GALK2: variants seen among roughly 807,000 people sequenced by gnomAD.
GALK2 encodes galactokinase 2.
Under a neutral mutation model 52.4 loss-of-function variants are expected in GALK2, and 36 were observed. That is an observed-to-expected ratio of 0.69 (90% CI 0.53 to 0.91). GALK2 has a LOEUF of 0.91. Ranked by LOEUF, GALK2 falls within the 40% of genes least tolerant of loss-of-function variation. The probability of loss-of-function intolerance (pLI) is 0.00; values close to 1 mark genes in which losing one functional copy is unlikely to be tolerated. For synonymous variants in GALK2, 176 were observed against 199.1 expected (o/e 0.88, Z 0.98); for missense variants, 579 against 559.1 (o/e 1.04, Z -0.36).
At chr15:49,322,267 A>T (rs1323589273) in intron 9 of GALK2, among the ~76,000 whole-genome samples, 1 of 152,184 alleles carries the variant, frequency 6.6e-6, no homozygotes, top group Non-Finnish European at 1.5e-5. Flanking sequence ...CAGGAGCTCC[A>T]TCACTTTTTC....
In GALK2 at chr15:49,201,166, C is replaced by T. The variant is rs1274925240; in HGVS notation, c.58C>T (p.Leu20=). ...RVQVAEHPRL[L]KLKEMFNSKF... is the part of the protein sequence containing the mutation. ...ATATTGTACTTTTATTTTCAGGTTA[C>T]TGAAGCTAAAGGAGATGTTTAACTC... is the stretch of plus-strand genomic sequence containing the variant. Residue 20 remains leucine (L), a synonymous_variant, in exon 2 of 10, where the codon CTG becomes TTG. Coordinates refer to ENST00000560031, the MANE Select transcript of GALK2 (RefSeq NM_002044.4). 1 of 1,584,070 alleles carries T rather than the reference C, an allele frequency of 6.3e-7. No individual in the cohort carries two copies. The highest frequency in any genetic ancestry group is 1.1e-5 in the South Asian group (1 of 90,152).
At chr15:49,168,582 G>A (rs972560229), upstream of GALK2, among the ~76,000 whole-genome samples, 7 of 152,012 alleles carry the variant, frequency 4.6e-5, no homozygotes, top group Non-Finnish European at 1.0e-4. Context: ...AGCTGGTGTG[G>A]TGGCGGCTGC....
chr15:49,249,155 T>C (rs1055733886), intron 5 of GALK2, among the ~76,000 whole-genome samples: 5 of 152,196 alleles, frequency 3.3e-5, no homozygotes, highest in South Asian at 2.1e-4. Flanking sequence ...GCATTGAACA[T>C]AACTTAAAGA....
intron 1 of GALK2, 117 bp from the exon 2 acceptor site, chr15:49,201,045 G>A (rs982786654): frequency 1.2e-4 from 59 of 483,488 alleles, no homozygotes; most frequent in Non-Finnish European, 1.9e-4. Context: ...ATGGTGGCAG[G>A]CATATGGAGT....
At chr15:49,273,282 T>G (rs1032465660) in intron 5 of GALK2, among the ~76,000 whole-genome samples, 2 of 152,206 alleles carry the variant, frequency 1.3e-5, no homozygotes, top group African/African-American at 2.4e-5. Flanking sequence ...TGGAGAAACC[T>G]CCTCACTGTT....
Position 49,239,225 on chromosome 15 carries a change from A to C in GALK2, c.362A>C (p.His121Pro). ...FLCGLKGIQE[H>P]FGLSNLTGMN... ...TGTTTTTCCTTATATTCTTAGGAAC[A>C]CTTTGGTCTTAGTAACCTGACTGGA... The change falls in exon 5 of 10, where the codon CAC (histidine) becomes CCC (proline). Residue 121 changes from histidine (H) to proline (P), a missense_variant. Physicochemically the swap from His to Pro is moderately conservative, Grantham distance 77. Transcript: ENST00000560031. 6.2e-7 allele frequency: 1 copy of C among 1,613,844 alleles called. No individual in the cohort carries two copies.
chr15:49,251,340 A>G (rs1359961344), intron 5 of GALK2, among the ~76,000 whole-genome samples: 1 of 152,204 alleles, frequency 6.6e-6, no homozygotes, highest in Non-Finnish European at 1.5e-5. Context: ...TATAAAGGAA[A>G]GAGTTTGATA....
In GALK2 at chr15:49,292,477, T is replaced by C; in HGVS notation, c.907T>C (p.Cys303Arg). Residue 303 changes from cysteine to arginine, a missense_variant, in exon 8 of 10, where the codon TGT becomes CGT. Cys to Arg is a radical substitution (Grantham distance 180). Transcript: ENST00000560031. ...CTATAACCCTGAGGAGATCTGCAGG[T>C]GTCTGGGAATTAGCCTGGAGGAACT... ...EPYNPEEICR[C>R]LGISLEELRT... 1.2e-6 allele frequency: 2 copies of C among 1,613,986 alleles called. No individual in the cohort carries two copies. The highest frequency in any genetic ancestry group is 2.2e-5 in the South Asian group (2 of 91,076).
At chr15:49,255,177 A>G (rs1278936919) in intron 5 of GALK2, among the ~76,000 whole-genome samples, 1 of 143,232 alleles carries the variant, frequency 7.0e-6, no homozygotes, top group Admixed American at 7.1e-5. Flanking sequence ...TTGTCTCAAT[A>G]GTAATGTCCT....
intron 8 of GALK2, among the ~76,000 whole-genome samples, chr15:49,301,144 A>G (rs2035078156): frequency 6.6e-6 from 1 of 152,096 alleles, no homozygotes; most frequent in Non-Finnish European, 1.5e-5. Context: ...TTGAGGTGAC[A>G]GTGTAGGGAG....
intron 3 of GALK2, chr15:49,223,149 G>C (rs34857967): frequency 6.6e-6 from 1 of 151,988 alleles, no homozygotes; most frequent in South Asian, 2.1e-4. Flanking sequence ...ATTTCCTTTA[G>C]GTTTTCTGGT....
chr15:49,349,024 C>G (rs1312717000), intron 3 of GALK2, among the ~76,000 whole-genome samples: 1 of 152,120 alleles, frequency 6.6e-6, no homozygotes, highest in Non-Finnish European at 1.5e-5. Flanking sequence ...AATGATGTAA[C>G]TCACTCCCTG....
chr15:49,325,791 A>T (rs999014523), intron 9 of GALK2, among the ~76,000 whole-genome samples: 1 of 152,204 alleles, frequency 6.6e-6, no homozygotes, highest in Non-Finnish European at 1.5e-5. Flanking sequence ...TGTAGCAGGC[A>T]GGGTGGTGAC....
chr15:49,192,492 T>TATGTATATATATATATAC (rs1404596576), intron 1 of GALK2, among the ~76,000 whole-genome samples: 1 of 25,350 alleles, frequency 3.9e-5, no homozygotes, highest in Non-Finnish European at 8.9e-5. Flanking sequence ...TATGTATATA[T>TATGTATATATATATATAC]ATATATATAT....
At chr15:49,363,561 G>A (rs7175722) in intron 3 of GALK2, among the ~76,000 whole-genome samples, 3,378 of 152,170 alleles carry the variant, frequency 0.022, 101 homozygotes, top group South Asian at 0.077. Context: ...GGATCATATT[G>A]TCTATAAACA....
intron 1 of GALK2, among the ~76,000 whole-genome samples, chr15:49,174,019 G>A (rs1566902737): frequency 6.6e-6 from 1 of 152,132 alleles, no homozygotes; most frequent in Non-Finnish European, 1.5e-5. Context: ...TACAGGCTGA[G>A]CCGCTGTGCC....
At chr15:49,356,359 C>T (rs1204534923) in intron 3 of GALK2, among the ~76,000 whole-genome samples, 2 of 150,044 alleles carry the variant, frequency 1.3e-5, no homozygotes, top group Non-Finnish European at 3.0e-5. Flanking sequence ...CAGAGACACA[C>T]ATAGGCTCAA....
intron 8 of GALK2, among the ~76,000 whole-genome samples, chr15:49,297,221 A>G (rs958881923): frequency 1.3e-5 from 2 of 152,108 alleles, no homozygotes; most frequent in Non-Finnish European, 2.9e-5. Context: ...GGCCATGTGT[A>G]TGTCTTTTTT....
intron 5 of GALK2, among the ~76,000 whole-genome samples, chr15:49,240,808 G>C (rs1437024642): frequency 2.0e-5 from 3 of 151,780 alleles, no homozygotes; most frequent in African/African-American, 7.3e-5. Flanking sequence ...AAGGAATTTA[G>C]GTATCATCTT....
Sources: allele counts gnomAD v4.1 joint callset (sites outside exome capture counted in the v4.1 genomes callset), GRCh38; gene constraint gnomAD v4.1.1; transcripts MANE v1.5; gene names NCBI Gene and HGNC (gene_info 2026-07-23, HGNC 2026-07-21).